The following CPED1 variants were observed in gnomAD, a reference collection of about 807,000 sequenced individuals.
The protein encoded by CPED1 is cadherin like and PC-esterase domain containing 1, also known as cadherin-like and PC-esterase domain-containing protein 1.
Under a neutral mutation model 128.2 loss-of-function variants are expected in CPED1, and 114 were observed. The observed-to-expected ratio is 0.89, with a 90% CI of 0.76 to 1.04. The LOEUF is 1.04. Ranked by LOEUF, CPED1 falls within the 50% of genes least tolerant of loss-of-function variation. The pLI, the probability that CPED1 is intolerant of heterozygous loss-of-function variation, is 0.00. For missense variants in CPED1, 1,211 were observed against 1,207.1 expected (o/e 1.00, Z -0.05); for synonymous variants, 462 against 426.7 (o/e 1.08, Z -1.02).
chr7:121,291,514 A>T (rs1418315529), intron 22 of CPED1, among the ~76,000 whole-genome samples: 1 of 152,172 alleles, frequency 6.6e-6, no homozygotes, highest in Non-Finnish European at 1.5e-5. Flanking sequence ...GAGGTTCTTC[A>T]TATCCCTTGT....
chr7:121,244,401 A>T (rs751596010), intron 18 of CPED1, 63 bp downstream of exon 18: 15 of 1,566,676 alleles, frequency 9.6e-6, no homozygotes, highest in Middle Eastern at 3.4e-4. Context: ...TAAAAATCGT[A>T]TAGTTGTATC....
At chr7:121,122,261 C>T (rs1795410390) in intron 7 of CPED1, among the ~76,000 whole-genome samples, 1 of 151,632 alleles carries the variant, frequency 6.6e-6, no homozygotes, top group African/African-American at 2.4e-5. Context: ...CTGCCTCAGC[C>T]TCCCAAGTAG....
intron 12 of CPED1, among the ~76,000 whole-genome samples, chr7:121,133,566 T>C (rs1795720222): frequency 6.6e-6 from 1 of 152,094 alleles, no homozygotes; most frequent in Non-Finnish European, 1.5e-5. Context: ...TATCTGAGAT[T>C]CCTCAGATTT....
At chr7:121,157,999 T>TA (rs1427031341) in intron 16 of CPED1, among the ~76,000 whole-genome samples, 3 of 152,146 alleles carry the variant, frequency 2.0e-5, no homozygotes, top group Non-Finnish European at 2.9e-5. Context: ...ATAAAAACTG[T>TA]AAAAAATTTT....
intron 16 of CPED1, among the ~76,000 whole-genome samples, chr7:121,175,205 C>T (rs562696822): frequency 1.3e-5 from 2 of 152,094 alleles, no homozygotes; most frequent in South Asian, 2.1e-4. Flanking sequence ...ATTTGGATGG[C>T]CTTTCTTTCT....
chr7:121,024,306 A>G (rs964402562), intron 3 of CPED1, among the ~76,000 whole-genome samples: 1 of 152,008 alleles, frequency 6.6e-6, no homozygotes, highest in Non-Finnish European at 1.5e-5. Context: ...GCTTAGAGTG[A>G]CCTCCCCATT....
rs1796469541 is a variant in CPED1 at position 121,164,050 on chromosome 7, C to T, written c.2055+21909C>T. ...TTTACTGCTAGGTGCTCTGCTCTTT[C>T]TTCCACTATTTGTGTGTTTGTAAAT... On this transcript the variant is annotated intron_variant, in intron 16 of 22. Transcript: ENST00000310396. Among the ~76,000 whole-genome samples the T allele has an allele frequency of 2.0e-5, 3 of 152,348 alleles. No homozygotes were observed. The South Asian group carries it at 6.2e-4, about 32-fold the overall frequency.
chr7:121,028,146 C>T (rs1363275971), intron 3 of CPED1, among the ~76,000 whole-genome samples: 1 of 152,132 alleles, frequency 6.6e-6, no homozygotes, highest in African/African-American at 2.4e-5. Context: ...AAGTTGCAGA[C>T]TGCAGATTGC....
intron 16 of CPED1, among the ~76,000 whole-genome samples, chr7:121,187,298 G>T (rs1797024903): frequency 6.6e-6 from 1 of 152,184 alleles, no homozygotes; most frequent in South Asian, 2.1e-4. Flanking sequence ...CAACCAAGAG[G>T]AAGCCAGTTT....
intron 3 of CPED1, 40 bp from the exon 4 acceptor site, chr7:121,046,847 G>A: frequency 7.6e-7 from 1 of 1,314,424 alleles, no homozygotes; most frequent in South Asian, 1.4e-5. Context: ...TAAAATATCT[G>A]ATGAAAACTT....
At chr7:121,067,756 C>T (rs1014483610) in intron 5 of CPED1, among the ~76,000 whole-genome samples, 15 of 152,142 alleles carry the variant, frequency 9.9e-5, no homozygotes, top group African/African-American at 3.1e-4. Flanking sequence ...CCTATTTCTC[C>T]ACCTCCTCTC....
At chr7:121,012,139 T>C (rs1444012437) in intron 2 of CPED1, among the ~76,000 whole-genome samples, 1 of 152,244 alleles carries the variant, frequency 6.6e-6, no homozygotes, top group East Asian at 1.9e-4. Context: ...ATTCCCAATC[T>C]TCTCTTTTTA....
At chr7:121,252,913 A>G (rs1798714204) in intron 18 of CPED1, among the ~76,000 whole-genome samples, 1 of 152,218 alleles carries the variant, frequency 6.6e-6, no homozygotes, top group Non-Finnish European at 1.5e-5. Flanking sequence ...GCAATTCCTC[A>G]GGGATCTACA....
At chr7:121,286,088 C>A (rs912327739) in intron 22 of CPED1, among the ~76,000 whole-genome samples, 2 of 152,194 alleles carry the variant, frequency 1.3e-5, no homozygotes, top group African/African-American at 4.8e-5. Flanking sequence ...GCAAACACGT[C>A]TTTCTTCACA....
chr7:121,039,622 C>T (rs1304332872), intron 3 of CPED1, among the ~76,000 whole-genome samples: 2 of 151,904 alleles, frequency 1.3e-5, no homozygotes, highest in Non-Finnish European at 2.9e-5. Flanking sequence ...CCCAGACAGA[C>T]AATAGTCTTG....
At chr7:121,292,508 C>T (rs1381282293) in intron 22 of CPED1, among the ~76,000 whole-genome samples, 1 of 151,996 alleles carries the variant, frequency 6.6e-6, no homozygotes, top group Non-Finnish European at 1.5e-5. Flanking sequence ...CTTCTGAAGC[C>T]TACTTCTGTC....
At chr7:121,097,511 A>G (rs1380138893) in intron 5 of CPED1, among the ~76,000 whole-genome samples, 188 bp from the exon 6 acceptor site, 1 of 152,202 alleles carries the variant, frequency 6.6e-6, no homozygotes, top group African/African-American at 2.4e-5. Flanking sequence ...AAGAGAACAT[A>G]TGGCAAACAA....
At chr7:121,122,121 G>T (rs1041945922) in intron 7 of CPED1, among the ~76,000 whole-genome samples, 2 of 146,738 alleles carry the variant, frequency 1.4e-5, no homozygotes, top group Non-Finnish European at 3.0e-5. Context: ...TTAAAAAGAA[G>T]AAATCACACT....
At chr7:121,267,800 A>G (rs936123369) in intron 21 of CPED1, among the ~76,000 whole-genome samples, 10 of 152,004 alleles carry the variant, frequency 6.6e-5, no homozygotes, top group African/African-American at 2.4e-4. Flanking sequence ...GGACTTCTGG[A>G]GCAGCCAGCA....
Sources: allele counts gnomAD v4.1 joint callset (sites outside exome capture counted in the v4.1 genomes callset), GRCh38; gene constraint gnomAD v4.1.1; transcripts MANE v1.5; gene names NCBI Gene and HGNC (gene_info 2026-07-23, HGNC 2026-07-21).